Variants in C2 observed in about 807,000 individuals in gnomAD.
The protein encoded by C2 is complement C2.
Under a neutral mutation model 85.2 loss-of-function variants are expected in C2, and 64 were observed. The observed-to-expected ratio is 0.75, with a 90% CI of 0.61 to 0.92. The LOEUF (loss-of-function observed/expected upper bound fraction) is 0.92. Ranked by LOEUF, C2 falls within the 40% of genes least tolerant of loss-of-function variation. The probability of loss-of-function intolerance (pLI) is 0.00; values close to 1 mark genes in which losing one functional copy is unlikely to be tolerated. For synonymous variants in C2, 311 were observed against 370.8 expected (o/e 0.84, Z 1.85); for missense variants, 820 against 971.6 (o/e 0.84, Z 2.07).
In C2 at chr6:31,922,392, C is replaced by G. The variant is rs1332564655; in HGVS notation, c.-100+2366C>G. The stretch of plus-strand genomic sequence containing the variant: ...GACCGCGAAGTCCATGCCCAAGTGG[C>G]CAGACTGGATAAGGAGTAGACTGGC... On this transcript the variant is annotated intron_variant, in intron 1 of 3. Coordinates refer to the C2 transcript ENST00000413154. The surrounding 1 kb of genome is among the most constrained non-coding windows in gnomAD (Gnocchi z 4.8). 6.6e-6 allele frequency among the ~76,000 whole-genome samples: 1 copy of G among 152,104 alleles called. No individual in the cohort carries two copies. The highest frequency in any genetic ancestry group is 1.9e-4 in the East Asian group (1 of 5,202).
At chr6:31,908,265 T>A (rs1313996) in intron 1 of C2, among the ~76,000 whole-genome samples, 116,510 of 151,538 alleles carry the variant, frequency 0.77, 45,783 homozygotes, top group Middle Eastern at 0.89. Flanking sequence ...AAGTGTTGAG[T>A]CTACAGGCAT....
rs998400235 is a variant in C2 at position 31,920,766 on chromosome 6, C to A, written c.-100+740C>A. On this transcript the variant is annotated intron_variant, in intron 1 of 3. Coordinates refer to the C2 transcript ENST00000413154. This position sits in a 1 kb window ranked among gnomAD's most constrained non-coding sequence, Gnocchi z 5.6. ...GAGTTTTTGTCTGAAAGAGATATGG[C>A]GCCTACAGGAGGTCAGGGACAGGCC... Among the ~76,000 whole-genome samples the A allele has an allele frequency of 6.6e-6, 1 of 152,148 alleles. No individual in the cohort carries two copies. The highest frequency in any genetic ancestry group is 2.4e-5 in the African/African-American group (1 of 41,416).
chr6:31,925,654 G>C (rs1163059852), upstream of C2, among the ~76,000 whole-genome samples: 1 of 152,136 alleles, frequency 6.6e-6, no homozygotes, highest in Non-Finnish European at 1.5e-5. Context: ...CATCTCAGAC[G>C]TTACCATACA....
chr6:31,899,914 A>G (rs778737068), upstream of C2: 11 of 1,555,622 alleles, frequency 7.1e-6, no homozygotes, highest in Admixed American at 5.2e-5. Context: ...CCTGGCCTCC[A>G]CGCCTGCGCG....
chr6:31,909,739 C>T (rs928710886), intron 1 of C2, among the ~76,000 whole-genome samples: 1 of 151,778 alleles, frequency 6.6e-6, no homozygotes, highest in Admixed American at 6.6e-5. Context: ...CCACTGTGCC[C>T]ACCCTATATG....
At chr6:31,900,494 T>C (rs776947123), upstream of C2, 2 of 1,609,722 alleles carry the variant, frequency 1.2e-6, no homozygotes, top group Non-Finnish European at 1.7e-6. The surrounding 1 kb of genome is among the most constrained non-coding windows in gnomAD (Gnocchi z 9.7). Flanking sequence ...TTCTGCATCT[T>C]CCGACAGGCT....
At chr6:31,926,491 C>A (rs995875272), upstream of C2, among the ~76,000 whole-genome samples, 3 of 151,874 alleles carry the variant, frequency 2.0e-5, no homozygotes, top group Admixed American at 2.0e-4. Flanking sequence ...TGCCACCACA[C>A]CCGGCTAATT....
upstream of C2, chr6:31,927,702 C>T: frequency 3.7e-6 from 6 of 1,612,864 alleles, no homozygotes; most frequent in South Asian, 1.1e-5. This position sits in a 1 kb window ranked among gnomAD's most constrained non-coding sequence, Gnocchi z 4.7. Context: ...AGTCAGATGA[C>T]CTTTTCCCTC....
intron 7 of C2, chr6:31,936,635 G>T (rs1484991537): frequency 1.9e-5 from 3 of 156,460 alleles, no homozygotes; most frequent in Admixed American, 1.8e-4. Flanking sequence ...AGCTTCCCGA[G>T]TAGCTGAGAT....
upstream of C2, chr6:31,900,826 T>A (rs1767182009): frequency 6.2e-7 from 1 of 1,608,256 alleles, no homozygotes; most frequent in Non-Finnish European, 8.5e-7. This position sits in a 1 kb window ranked among gnomAD's most constrained non-coding sequence, Gnocchi z 9.7. Context: ...GGGCTGGCTT[T>A]GGGGTCCTGG....
intron 3 of C2, among the ~76,000 whole-genome samples, chr6:31,932,799 A>C (rs1258696990): frequency 6.6e-6 from 1 of 152,234 alleles, no homozygotes; most frequent in Non-Finnish European, 1.5e-5. Flanking sequence ...AGCCAAGATC[A>C]CGCCACTGCA....
intron 1 of C2, among the ~76,000 whole-genome samples, chr6:31,907,988 G>A (rs1434842735): frequency 5.3e-5 from 8 of 151,124 alleles, no homozygotes; most frequent in Non-Finnish European, 8.8e-5. Flanking sequence ...CTAGGATTAC[G>A]GACGTCTGCC....
At chr6:31,907,746 C>T (rs112057082) in intron 1 of C2, among the ~76,000 whole-genome samples, 8,999 of 150,626 alleles carry the variant, frequency 0.06, 547 homozygotes, top group African/African-American at 0.14. Context: ...GGCACAATCT[C>T]GGCTTACTGC....
intron 1 of C2, among the ~76,000 whole-genome samples, chr6:31,908,651 C>CAAAAAAAA (rs769417085): frequency 1.9e-5 from 2 of 106,416 alleles, no homozygotes; most frequent in Non-Finnish European, 2.0e-5. Flanking sequence ...GACTTCATCT[C>CAAAAAAAA]AAAAAAAAAA....
chr6:31,902,045 CGCG>C (rs753112023), intron 1 of C2: 61 of 150,580 alleles, frequency 4.1e-4, no homozygotes, highest in African/African-American at 9.0e-4. Context: ...GCCCCGCGCG[CGCG>C]GCGGCGGCGG....
At chr6:31,933,583 C>T (rs1770104735) in intron 3 of C2, 27 bp from the exon 4 acceptor site, 4 of 1,611,984 alleles carry the variant, frequency 2.5e-6, no homozygotes, top group African/African-American at 1.3e-5. Flanking sequence ...GGGCTACTCA[C>T]CTCTGCCTTC....
chr6:31,941,814 C>CTTTTTTTTTTTTTTTTTTTTTTTT (rs9281643), intron 9 of C2: 1 of 96,698 alleles, frequency 1.0e-5, no homozygotes, highest in Non-Finnish European at 1.9e-5. Context: ...AGCCAGTTCA[C>CTTTTTTTTTTTTTTTTTTTTTTTT]TTTTTTTTTT....
Position 31,935,085 on chromosome 6 carries a change from T to G in C2, c.849+786T>G. ...TTTGGAAGCCACTGGTTTAAGTTCC[T>G]CGCCAGAACTTTGTTTTGTAATTGT... On this transcript the variant is annotated intron_variant, in intron 6 of 17. Transcript: ENST00000299367. The surrounding 1 kb of genome is among the most constrained non-coding windows in gnomAD (Gnocchi z 4.3). 3 of 978,834 alleles carry G rather than the reference T, an allele frequency of 3.1e-6. No individual in the cohort carries two copies. The highest frequency in any genetic ancestry group is 3.6e-6 in the Non-Finnish European group (3 of 823,908). The allele number at this position is 978,834 out of a possible 1,614,324, so 60.6% of individuals were successfully genotyped here.
chr6:31,900,115 T>C, upstream of C2: 1 of 1,613,998 alleles, frequency 6.2e-7, no homozygotes, highest in Non-Finnish European at 8.5e-7. The surrounding 1 kb of genome is among the most constrained non-coding windows in gnomAD (Gnocchi z 9.7). Flanking sequence ...TGGACTTCTG[T>C]GTGAAGCACT....
Sources: gnomAD v4.1 joint callset for allele counts (sites outside exome capture counted in the v4.1 genomes callset) on GRCh38, gnomAD v4.1.1 for gene constraint, Gnocchi (gnomAD v3.1) non-coding constraint, MANE v1.5 for transcripts, NCBI Gene and HGNC (gene_info 2026-07-23, HGNC 2026-07-21) for gene names.